The following GPATCH2 variants were observed in gnomAD, a reference collection of about 807,000 sequenced individuals.
The protein encoded by GPATCH2 is G-patch domain containing 2, also known as G patch domain-containing protein 2.
A neutral mutation model predicts 58.0 loss-of-function variants in GPATCH2; 51 were observed. That is an observed-to-expected ratio of 0.88 (90% CI 0.70 to 1.11). The LOEUF (loss-of-function observed/expected upper bound fraction) is 1.11, where lower values mean the gene tolerates loss of function less well. Among genes scored for constraint, GPATCH2 ranks in the 50% most tolerant of loss-of-function variants. The pLI is 0.00. For synonymous variants in GPATCH2, 222 were observed against 218.5 expected (o/e 1.02, Z -0.14); for missense variants, 625 against 652.2 (o/e 0.96, Z 0.45).
intron 5 of GPATCH2, chr1:217,609,008 A>G (rs935934760): frequency 5.2e-6 from 5 of 959,916 alleles, no homozygotes; most frequent in Non-Finnish European, 6.2e-6. Flanking sequence ...TTCTTTTCCA[A>G]TCATATTTAA....
rs536080787 is a variant in GPATCH2 at position 217,516,082 on chromosome 1, C to CT, written c.1099-1194dup. Among the ~76,000 whole-genome samples the CT allele has an allele frequency of 1.9e-3, 269 of 144,218 alleles. 1 individual carries two copies. Among genetic ancestry groups the CT allele is most frequent in the Non-Finnish European group, 2.2e-3 (147 of 65,442 alleles). 94.6% of individuals were successfully genotyped at this position (144,218 alleles called of 152,430 possible). On this transcript the variant is annotated intron_variant, in intron 5 of 9. Coordinates refer to ENST00000366935, the MANE Select transcript of GPATCH2 (RefSeq NM_018040.5). ...ATTTAAAATCTAAAGTAAGCTACTC[C>CT]TTTTTTTTTTTTAGAATTTCACAAC...
intron 5 of GPATCH2, among the ~76,000 whole-genome samples, chr1:217,550,184 A>G (rs1665278947): frequency 6.6e-6 from 1 of 152,208 alleles, no homozygotes; most frequent in Admixed American, 6.5e-5. Context: ...GCTGTGACAC[A>G]TGGTAGGTTT....
At chr1:217,617,743 T>C in intron 2 of GPATCH2, among the ~76,000 whole-genome samples, 1 of 152,238 alleles carries the variant, frequency 6.6e-6, no homozygotes, top group East Asian at 1.9e-4. Flanking sequence ...TATAAATAAG[T>C]TTCAAATCAG....
chr1:217,609,048 A>C, intron 5 of GPATCH2: 1 of 752,398 alleles, frequency 1.3e-6, no homozygotes. Context: ...ATTAACAATT[A>C]ATCCATACAA....
At chr1:217,557,238 C>A (rs545709710) in intron 5 of GPATCH2, among the ~76,000 whole-genome samples, 226 of 152,078 alleles carry the variant, frequency 1.5e-3, no homozygotes, top group African/African-American at 5.1e-3. Context: ...GAAACCCCGT[C>A]TCTACTAAAA....
chr1:217,562,658 C>A (rs1394612116), intron 5 of GPATCH2, among the ~76,000 whole-genome samples: 2 of 152,162 alleles, frequency 1.3e-5, no homozygotes, highest in Non-Finnish European at 2.9e-5. Context: ...TCCATATTAT[C>A]ATTAATAAAC....
chr1:217,455,136 G>C lies in GPATCH2; in HGVS notation c.1278-5799C>G, dbSNP rs1659883451. Among the ~76,000 whole-genome samples the C allele has an allele frequency of 2.0e-5, 3 of 152,086 alleles. No homozygotes were observed. In the South Asian group the frequency reaches 6.2e-4, roughly 32 times the overall value. On this transcript the variant is annotated intron_variant, in intron 8 of 9. Coordinates refer to ENST00000366935, the MANE Select transcript of GPATCH2 (RefSeq NM_018040.5). Reference sequence around the variant, plus strand: ...TTAGCAAGAGGTGGTTTAAGTTTTAGCTCAGTGCACTGAAGTTAGTACTTG... The same window carrying C: ...TTAGCAAGAGGTGGTTTAAGTTTTACCTCAGTGCACTGAAGTTAGTACTTG...
At chr1:217,555,844 C>T (rs1445273826) in intron 5 of GPATCH2, among the ~76,000 whole-genome samples, 2 of 152,132 alleles carry the variant, frequency 1.3e-5, no homozygotes, top group Non-Finnish European at 1.5e-5. Flanking sequence ...CTTTCATGTA[C>T]CTATATCATA....
intron 5 of GPATCH2, among the ~76,000 whole-genome samples, chr1:217,555,954 A>G (rs565897757): frequency 6.6e-6 from 1 of 152,328 alleles, no homozygotes; most frequent in South Asian, 2.1e-4. Flanking sequence ...ACTTTGTACT[A>G]TACAACAGGC....
intron 8 of GPATCH2, among the ~76,000 whole-genome samples, chr1:217,489,316 C>G (rs1661606396): frequency 6.6e-6 from 1 of 152,046 alleles, no homozygotes; most frequent in South Asian, 2.1e-4. Context: ...CAATTATATA[C>G]TCTCTTTCTA....
intron 8 of GPATCH2, among the ~76,000 whole-genome samples, chr1:217,484,970 T>C (rs1661392916): frequency 6.6e-6 from 1 of 152,162 alleles, no homozygotes; most frequent in African/African-American, 2.4e-5. Context: ...TGGGTTAAGT[T>C]TTCTATGTGG....
rs141440375 is a variant in GPATCH2, at chr1:217,548,611, G to A, written c.1099-33722C>T. Among the ~76,000 whole-genome samples the A allele has an allele frequency of 4.5e-3, 689 of 152,074 alleles. 10 individuals carry two copies. Among genetic ancestry groups the A allele is most frequent in the African/African-American group, 0.015 (640 of 41,440 alleles). Reference sequence around the variant, plus strand: ...GTCCAAAACTGGGTGATATGGTTTGGCTGTGTCCCCACCCAAATCTCATCT... The same window carrying A: ...GTCCAAAACTGGGTGATATGGTTTGACTGTGTCCCCACCCAAATCTCATCT... On this transcript the variant is annotated intron_variant, in intron 5 of 9. Transcript: ENST00000366935.
In GPATCH2 at chr1:217,523,889, C is replaced by T. The variant is rs1349995727; in HGVS notation, c.1099-9000G>A. Among the ~76,000 whole-genome samples the T allele has an allele frequency of 2.1e-4, 24 of 113,662 alleles. No homozygotes were observed. In the East Asian group the frequency reaches 6.2e-3, roughly 30 times the overall value. 74.6% of individuals were successfully genotyped at this position (113,662 alleles called of 152,430 possible). On this transcript the variant is annotated intron_variant, in intron 5 of 9. Coordinates refer to ENST00000366935, the MANE Select transcript of GPATCH2 (RefSeq NM_018040.5). The stretch of plus-strand genomic sequence containing the variant: ...CCTCCCTCCCGGATGGGGCGGCTGG[C>T]CGGGCGGGGGGCTGACCCCCACACC...
intron 6 of GPATCH2, among the ~76,000 whole-genome samples, chr1:217,500,116 G>C (rs1662225474): frequency 6.6e-6 from 1 of 151,460 alleles, no homozygotes; most frequent in South Asian, 2.1e-4. Flanking sequence ...TTTTCTTTTT[G>C]TTTCTCCTAA....
chr1:217,544,466 C>G (rs1664926740), intron 5 of GPATCH2, among the ~76,000 whole-genome samples: 1 of 152,138 alleles, frequency 6.6e-6, no homozygotes. Flanking sequence ...GGCCAACATT[C>G]TTTTAAAAAA....
At chr1:217,458,096 C>G (rs955625445) in intron 8 of GPATCH2, among the ~76,000 whole-genome samples, 3 of 151,920 alleles carry the variant, frequency 2.0e-5, no homozygotes, top group Non-Finnish European at 2.9e-5. Context: ...CAGGCGTGGT[C>G]GCGGGCGCCT....
At chr1:217,573,975 G>T (rs1052933905) in intron 5 of GPATCH2, among the ~76,000 whole-genome samples, 1 of 152,156 alleles carries the variant, frequency 6.6e-6, no homozygotes, top group African/African-American at 2.4e-5. Flanking sequence ...ATTTTGCAGA[G>T]AATGAGAATG....
rs532937529 is a variant in GPATCH2 at position 217,503,266 on chromosome 1, C to A, written c.1167-4871G>T. ...CTGGAGGGGCCACTGGTGAACTTTTCCAGAGAAGTTTCTAAAAAGTGACGT... is the reference window on the plus strand; with the variant it reads ...CTGGAGGGGCCACTGGTGAACTTTTACAGAGAAGTTTCTAAAAAGTGACGT... On this transcript the variant is annotated intron_variant, in intron 6 of 9. Transcript: ENST00000366935. Among the ~76,000 whole-genome samples, 3 of 152,022 alleles carry A rather than the reference C, an allele frequency of 2.0e-5. No individual in the cohort carries two copies. In the South Asian group the frequency reaches 6.2e-4, roughly 32 times the overall value.
intron 5 of GPATCH2, among the ~76,000 whole-genome samples, chr1:217,518,595 C>T (rs572057245): frequency 6.6e-6 from 1 of 152,286 alleles, no homozygotes; most frequent in South Asian, 2.1e-4. Context: ...GTAAACCTAT[C>T]TGAGACACAA....
Sources: gnomAD v4.1 joint callset for allele counts (sites outside exome capture counted in the v4.1 genomes callset) on GRCh38, gnomAD v4.1.1 for gene constraint, MANE v1.5 for transcripts, NCBI Gene and HGNC (gene_info 2026-07-23, HGNC 2026-07-21) for gene names.